Variants in WWOX observed in about 807,000 individuals in gnomAD.
WWOX encodes the protein WW domain containing oxidoreductase.
A neutral mutation model predicts 46.2 loss-of-function variants in WWOX; 69 were observed. The ratio of observed to expected loss-of-function variants is 1.49; its 90% CI spans 1.23 to 1.82. WWOX has a LOEUF of 1.82. Among genes scored for constraint, WWOX ranks in the 40% most tolerant of loss-of-function variants. The pLI is 0.00. For missense variants in WWOX, 919 were observed against 542.6 expected (o/e 1.69, Z -6.89); for synonymous variants, 359 against 202.6 (o/e 1.77, Z -6.56).
At chr16:78,133,426 A>T (rs2033675392) in intron 4 of WWOX, among the ~76,000 whole-genome samples, 1 of 152,050 alleles carries the variant, frequency 6.6e-6, no homozygotes, top group Non-Finnish European at 1.5e-5. Context: ...ACGTCCAGCT[A>T]ATTTTTGTAT....
At chr16:78,967,830 A>G (rs1401991110) in intron 8 of WWOX, among the ~76,000 whole-genome samples, 1 of 152,018 alleles carries the variant, frequency 6.6e-6, no homozygotes, top group Non-Finnish European at 1.5e-5. Flanking sequence ...ATGGGAGAGG[A>G]TGGGAGTGAT....
At chr16:79,008,419 T>TC (rs1324051815) in intron 8 of WWOX, among the ~76,000 whole-genome samples, 1 of 152,160 alleles carries the variant, frequency 6.6e-6, no homozygotes, top group Non-Finnish European at 1.5e-5. Flanking sequence ...GCGAAATTCC[T>TC]CCCCCTTTGC....
At chr16:78,982,380 A>G (rs1278485608) in intron 8 of WWOX, among the ~76,000 whole-genome samples, 1 of 152,210 alleles carries the variant, frequency 6.6e-6, no homozygotes, top group Non-Finnish European at 1.5e-5. Flanking sequence ...ACAGCGTGCC[A>G]TTGCCAGAAT....
intron 8 of WWOX, among the ~76,000 whole-genome samples, chr16:78,849,146 C>T (rs1390700411): frequency 6.6e-6 from 1 of 152,120 alleles, no homozygotes; most frequent in Non-Finnish European, 1.5e-5. Flanking sequence ...ACTGTGTACC[C>T]CTCCTAGTTT....
intron 8 of WWOX, among the ~76,000 whole-genome samples, chr16:78,720,253 T>G (rs1446559506): frequency 6.6e-6 from 1 of 151,890 alleles, no homozygotes; most frequent in Non-Finnish European, 1.5e-5. Flanking sequence ...GAAGATTATG[T>G]GCGCGTGTGT....
At chr16:79,043,977 G>C (rs2048020522) in intron 8 of WWOX, among the ~76,000 whole-genome samples, 2 of 152,174 alleles carry the variant, frequency 1.3e-5, no homozygotes, top group Non-Finnish European at 2.9e-5. Flanking sequence ...CTTGTGGCCA[G>C]GGACAATGAA....
At chr16:78,990,632 A>G (rs138131851) in intron 8 of WWOX, among the ~76,000 whole-genome samples, 8 of 152,322 alleles carry the variant, frequency 5.3e-5, no homozygotes, top group African/African-American at 1.9e-4. Flanking sequence ...CCAGAATGTG[A>G]TAAAGTAAAA....
chr16:78,239,844 A>G lies in WWOX; in HGVS notation c.516+75555A>G, dbSNP rs578018144. Among the ~76,000 whole-genome samples the G allele has an allele frequency of 5.3e-5, 8 of 152,188 alleles. No individual in the cohort carries two copies. In the South Asian group the frequency reaches 1.2e-3, roughly 24 times the overall value. On this transcript the variant is annotated intron_variant, in intron 5 of 8. Coordinates refer to ENST00000566780, the MANE Select transcript of WWOX (RefSeq NM_016373.4). ...GCCACCACACCAGGCTGGCTCTTCTAGTTTTTGAAGCTCACTTTTCTTTTT... is the reference window on the plus strand; with the variant it reads ...GCCACCACACCAGGCTGGCTCTTCTGGTTTTTGAAGCTCACTTTTCTTTTT...
intron 5 of WWOX, among the ~76,000 whole-genome samples, chr16:78,173,901 G>T (rs1278659114): frequency 6.6e-6 from 1 of 152,068 alleles, no homozygotes; most frequent in Non-Finnish European, 1.5e-5. Flanking sequence ...CCTCTTTCTG[G>T]TTTTTAAGTA....
intron 8 of WWOX, among the ~76,000 whole-genome samples, chr16:78,468,713 G>A (rs1424660107): frequency 1.3e-5 from 2 of 152,178 alleles, no homozygotes; most frequent in African/African-American, 4.8e-5. Flanking sequence ...TTTCCTGTCT[G>A]CAAAGGAGGG....
chr16:79,074,362 G>T (rs574914719), intron 8 of WWOX, among the ~76,000 whole-genome samples: 1 of 132,812 alleles, frequency 7.5e-6, no homozygotes, highest in African/African-American at 2.8e-5. Flanking sequence ...TAAAACCACC[G>T]TTGTCACTCA....
chr16:78,773,162 A>G (rs1368431704), intron 8 of WWOX, among the ~76,000 whole-genome samples: 4 of 152,182 alleles, frequency 2.6e-5, no homozygotes, highest in Non-Finnish European at 4.4e-5. Flanking sequence ...TTTTGTCGGT[A>G]TCCTAAGCCG....
intron 8 of WWOX, among the ~76,000 whole-genome samples, chr16:79,150,023 A>T (rs1019646236): frequency 3.9e-5 from 6 of 152,222 alleles, no homozygotes; most frequent in African/African-American, 1.2e-4. Flanking sequence ...CCTAAGAAGG[A>T]AATGCTTTTC....
chr16:78,814,960 G>C (rs901764757), intron 8 of WWOX, among the ~76,000 whole-genome samples: 4 of 152,146 alleles, frequency 2.6e-5, no homozygotes, highest in African/African-American at 7.2e-5. Flanking sequence ...TTCTTCTTCT[G>C]GTTGGATTTA....
chr16:78,578,288 T>TATATATA (rs2044954023), intron 8 of WWOX, among the ~76,000 whole-genome samples: 6 of 41,292 alleles, frequency 1.5e-4, no homozygotes, highest in African/African-American at 4.4e-4. Flanking sequence ...ATATATATTT[T>TATATATA]TTTTTTTTTT....
In WWOX at chr16:78,642,918, C is replaced by T. The variant is rs143810173; in HGVS notation, c.1056+210166C>T. Among the ~76,000 whole-genome samples the T allele has an allele frequency of 7.9e-5, 12 of 152,288 alleles. No individual in the cohort carries two copies. The East Asian group carries it at 1.7e-3, about 22-fold the overall frequency. On this transcript the variant is annotated intron_variant, in intron 8 of 8. Transcript: ENST00000566780. ...CACTCATCCTACTTGGTGTAAAATC[C>T]TGGGATGATAGCTTATAATAGTAAT... is the stretch of plus-strand genomic sequence containing the variant.
intron 4 of WWOX, among the ~76,000 whole-genome samples, chr16:78,124,894 G>A (rs1168975763): frequency 6.6e-6 from 1 of 152,100 alleles, no homozygotes. Flanking sequence ...AGATGGGGGC[G>A]GGGAGGAAAC....
At chr16:78,563,570 T>C (rs1282425193) in intron 8 of WWOX, among the ~76,000 whole-genome samples, 2 of 148,300 alleles carry the variant, frequency 1.3e-5, no homozygotes, top group Non-Finnish European at 3.0e-5. Flanking sequence ...AACGTAAAGG[T>C]AGATTTTTAG....
intron 8 of WWOX, among the ~76,000 whole-genome samples, chr16:78,529,832 C>T (rs1169357419): frequency 3.9e-5 from 6 of 152,188 alleles, no homozygotes. Context: ...GCTATACTTA[C>T]ATATAGTTCT....
Sources: gnomAD v4.1 joint callset for allele counts (sites outside exome capture counted in the v4.1 genomes callset) on GRCh38, gnomAD v4.1.1 for gene constraint, MANE v1.5 for transcripts, NCBI Gene and HGNC (gene_info 2026-07-23, HGNC 2026-07-21) for gene names.